Variants in TNN observed in about 807,000 individuals in gnomAD.
TNN encodes the protein tenascin-N.
Under a neutral mutation model 134.4 loss-of-function variants are expected in TNN, and 122 were observed. The ratio of observed to expected loss-of-function variants is 0.91; its 90% confidence interval spans 0.78 to 1.06. TNN has a LOEUF of 1.06. Among genes scored for constraint, TNN ranks in the 50% least tolerant of loss-of-function variants. The pLI is 0.00. For synonymous variants in TNN, 710 were observed against 670.3 expected, an observed-to-expected ratio of 1.06 and a Z score of -0.91; for missense variants, 1,739 against 1,699.4, an observed-to-expected ratio of 1.02 and a Z score of -0.41.
At chr1:175,092,447 C>A (rs988192039) in intron 6 of TNN, among the ~76,000 whole-genome samples, 1 of 152,162 alleles carries the variant, frequency 6.6e-6, no homozygotes, top group Non-Finnish European at 1.5e-5. Context: ...TATTGTCTCA[C>A]AAGGCAATAG....
rs1674073388 is a variant in TNN at position 175,077,524 on chromosome 1, AAGGAGCAAC to A, written c.110_118del (p.Glu37_Gln39del). ...TCTGGAGCCTCCCGGCTGCAGCAAC[AAGGAGCAAC>A]AGGTCACTGTCAGCCACACCTACAA... On this transcript the variant is annotated inframe_deletion, in exon 2 of 19. Coordinates refer to ENST00000239462, the MANE Select transcript of TNN (RefSeq NM_022093.2). 2 of 1,614,074 alleles carry A rather than the reference AAGGAGCAAC, an allele frequency of 1.2e-6. No individual in the cohort carries two copies. The highest frequency in any genetic ancestry group is 1.7e-6 in the Non-Finnish European group (2 of 1,180,034).
rs112413840 is a variant in TNN, at chr1:175,118,484, C to T, written c.2387-77C>T. On this transcript the variant is annotated intron_variant, in intron 10 of 18. Coordinates refer to ENST00000239462, the MANE Select transcript of TNN (RefSeq NM_022093.2). Reference sequence around the variant, plus strand: ...CCCACACAACATGAAAGGGTTTCACCCCACGCAAAATGACCACCAGTTTCT... The same window carrying T: ...CCCACACAACATGAAAGGGTTTCACTCCACGCAAAATGACCACCAGTTTCT... The T allele has an allele frequency of 4.6e-4, 713 of 1,556,006 alleles. 4 individuals are homozygous for T. In the African/African-American group the frequency reaches 8.6e-3, roughly 19 times the overall value.
At position 175,117,009 on chromosome 1, in the gene TNN, G is replaced by A. The variant is rs755161803; in HGVS notation, c.2190G>A (p.Pro730=). The A allele has an allele frequency of 2.8e-5, 46 of 1,614,170 alleles. No homozygotes were observed. The East Asian group carries it at 2.9e-4, about 10-fold the overall frequency. The change falls in exon 10 of 19, where the codon CCG becomes CCA. Residue 730 remains proline (P), a synonymous_variant. Transcript: ENST00000239462. The part of the protein sequence containing the change: ...TENMATVSWD[P]VRATIDRYVV... ...ATATGGCCACTGTCTCCTGGGACCC[G>A]GTGCGGGCCACCATTGACAGGTATG...
At chr1:175,139,044 T>G (rs1675885196) in intron 17 of TNN, among the ~76,000 whole-genome samples, 1 of 152,144 alleles carries the variant, frequency 6.6e-6, no homozygotes, top group Non-Finnish European at 1.5e-5. Flanking sequence ...TTACTATGAA[T>G]GGAGCTTGCA....
At chr1:175,079,211 A>G (rs1674127510) in intron 2 of TNN, 122 bp from the exon 3 acceptor site, 1 of 1,262,566 alleles carries the variant, frequency 7.9e-7, no homozygotes, top group African/African-American at 1.6e-5. Flanking sequence ...AAGACCCAGA[A>G]ATCACCAGAC....
chr1:175,069,625 A>G (rs1454801588), intron 1 of TNN, among the ~76,000 whole-genome samples: 2 of 152,196 alleles, frequency 1.3e-5, no homozygotes, highest in Non-Finnish European at 2.9e-5. Context: ...TGGCTCCTAT[A>G]GGATCTGGAT....
chr1:175,075,872 G>C (rs1009340977), intron 1 of TNN, among the ~76,000 whole-genome samples: 1 of 152,138 alleles, frequency 6.6e-6, no homozygotes, highest in Admixed American at 6.5e-5. Context: ...CTCTCACCAC[G>C]GGCAGGGAGA....
rs1025040617 is a variant in TNN at position 175,147,149 on chromosome 1, G to T, written c.*78G>T. On this transcript the variant is annotated 3_prime_UTR_variant, in exon 19 of 19. Transcript: ENST00000239462. ...GGCGGGGTGGGTAGTGGTCACTGCG[G>T]TCTGGGAGTGCTCAGATAGCCCGCA... 1 of 1,331,868 alleles carries T rather than the reference G, an allele frequency of 7.5e-7. No individual in the cohort carries two copies. The highest frequency in any genetic ancestry group is 9.9e-7 in the Non-Finnish European group (1 of 1,011,146). The allele number at this position is 1,331,868 out of a possible 1,614,324, so 82.5% of individuals were successfully genotyped here.
chr1:175,098,227 C>G, intron 8 of TNN, 105 bp from the exon 9 acceptor site: 1 of 1,525,654 alleles, frequency 6.6e-7, no homozygotes, highest in Non-Finnish European at 8.9e-7. Flanking sequence ...AATGCCATTG[C>G]CTTGTTCTAA....
chr1:175,077,529 G>GC lies in TNN; in HGVS notation c.112dup (p.Gln38ProfsTer22), dbSNP rs1264299464. On this transcript the variant is annotated frameshift_variant, in exon 2 of 19. Transcript: ENST00000239462. LOFTEE classifies it high-confidence loss of function. ...AGCCTCCCGGCTGCAGCAACAAGGA[G>GC]CAACAGGTCACTGTCAGCCACACCT... 1.9e-6 allele frequency: 3 copies of GC among 1,614,010 alleles called. No homozygotes were observed. Among genetic ancestry groups the GC allele is most frequent in the Non-Finnish European group, 2.5e-6 (3 of 1,180,046 alleles).
rs376574745 is a variant in TNN at position 175,123,646 on chromosome 1, A to T, written c.2897A>T (p.Asp966Val). The change falls in exon 12 of 19, where the codon GAC becomes GTC. Residue 966 changes from aspartate (D) to valine (V), a missense_variant. Transcript: ENST00000239462. ...GGGGCCCAGGAGAGCAAGAAGGCTG[A>T]CACCAAGGCCCAGACAGGTACTGAG... is the stretch of plus-strand genomic sequence containing the variant. ...QKGAQESKKA[D>V]TKAQTELDPP... 19 of 1,614,216 alleles carry T rather than the reference A, an allele frequency of 1.2e-5. No individual in the cohort carries two copies. The highest frequency in any genetic ancestry group is 1.5e-5 in the Non-Finnish European group (18 of 1,180,034).
At chr1:175,079,208 A>C (rs1674127445) in intron 2 of TNN, 125 bp from the exon 3 acceptor site, 9 of 1,190,614 alleles carry the variant, frequency 7.6e-6, no homozygotes, top group African/African-American at 1.6e-5. Context: ...TGCAAGACCC[A>C]GAAATCACCA....
At chr1:175,079,237 T>C (rs1263760786) in intron 2 of TNN, 96 bp from the exon 3 acceptor site, 2 of 1,361,732 alleles carry the variant, frequency 1.5e-6, no homozygotes, top group Non-Finnish European at 9.6e-7. Flanking sequence ...AGAGTGGGGC[T>C]AATGATTTCT....
In TNN at chr1:175,117,136, T is replaced by C; in HGVS notation, c.2317T>C (p.Tyr773His). ...GACGGGCCTGAGGCCGGGTGTGGAGTACACGGTGCACGTGTGGGCCCAGAA... is the reference window on the plus strand; with the variant it reads ...GACGGGCCTGAGGCCGGGTGTGGAGCACACGGTGCACGTGTGGGCCCAGAA... ...VLTGLRPGVE[Y>H]TVHVWAQKGA... is the part of the protein sequence containing the mutation. Residue 773 changes from tyrosine to histidine, a missense_variant, in exon 10 of 19, where the codon TAC becomes CAC. Tyr to His is a moderately conservative substitution (Grantham distance 83). Transcript: ENST00000239462. The C allele has an allele frequency of 6.2e-7, 1 of 1,614,156 alleles. No individual in the cohort carries two copies. The highest frequency in any genetic ancestry group is 1.1e-5 in the South Asian group (1 of 91,074).
Position 175,079,647 on chromosome 1 carries a change from T to C in TNN, c.724T>C (p.Phe242Leu). The C allele has an allele frequency of 6.2e-7, 1 of 1,609,304 alleles. No homozygotes were observed. Among genetic ancestry groups the C allele is most frequent in the South Asian group, 1.1e-5 (1 of 90,426 alleles). Residue 242 changes from phenylalanine to leucine, a missense_variant, in exon 3 of 19, where the codon TTC (phenylalanine) becomes CTC (leucine). Coordinates refer to ENST00000239462, the MANE Select transcript of TNN (RefSeq NM_022093.2). ...TCCCGGCGACTGCAGCGGCCACGGC[T>C]TCTGTGACACGGGCGAGTGCTACTG... The part of the protein sequence containing the change: ...RCPGDCSGHG[F>L]CDTGECYCEE...
chr1:175,101,346 G>T (rs1057217786), intron 9 of TNN, among the ~76,000 whole-genome samples: 1 of 151,660 alleles, frequency 6.6e-6, no homozygotes, highest in South Asian at 2.1e-4. Flanking sequence ...TCGTGGTCTC[G>T]CTGGGCTCAG....
chr1:175,124,638 G>A (rs948402409), intron 12 of TNN, among the ~76,000 whole-genome samples: 30 of 152,080 alleles, frequency 2.0e-4, no homozygotes, highest in African/African-American at 5.8e-4. Context: ...CCAAGATTGC[G>A]CCATTGCACT....
chr1:175,108,432 C>G (rs989438194), intron 9 of TNN, among the ~76,000 whole-genome samples: 2 of 152,240 alleles, frequency 1.3e-5, no homozygotes, highest in African/African-American at 4.8e-5. Context: ...GGTGGAGCTG[C>G]CTGCCAGTCC....
At position 175,080,236 on chromosome 1, in the gene TNN, C is replaced by T; in HGVS notation, c.858C>T (p.Ser286=). The change falls in exon 4 of 19, where the codon AGC becomes AGT. Residue 286 remains serine, a synonymous_variant. Coordinates refer to ENST00000239462, the MANE Select transcript of TNN (RefSeq NM_022093.2). ...DSLLVSWEPS[S]QVDHYLLSYY... is the part of the protein sequence containing the mutation. ...TGCTGGTGAGCTGGGAGCCCTCCAG[C>T]CAGGTGGATCACTACCTCCTCAGCT... is the stretch of plus-strand genomic sequence containing the variant. The T allele has an allele frequency of 1.2e-6, 2 of 1,614,076 alleles. No individual in the cohort carries two copies. The highest frequency in any genetic ancestry group is 1.7e-6 in the Non-Finnish European group (2 of 1,179,994).
Sources: allele counts gnomAD v4.1 joint callset (sites outside exome capture counted in the v4.1 genomes callset), GRCh38; gene constraint gnomAD v4.1.1; transcripts MANE v1.5; gene names NCBI Gene and HGNC (gene_info 2026-07-23, HGNC 2026-07-21).